FTO: variants seen among roughly 807,000 people sequenced by gnomAD.
The protein encoded by FTO is FTO alpha-ketoglutarate dependent dioxygenase.
FTO carries 47 observed loss-of-function variants against 63.9 expected under a neutral mutation model. That is an observed-to-expected ratio of 0.74 (90% CI 0.58 to 0.94). The LOEUF (loss-of-function observed/expected upper bound fraction) is 0.94. Ranked by LOEUF, FTO falls within the 40% of genes least tolerant of loss-of-function variation. The pLI is 0.00. For synonymous variants in FTO, 207 were observed against 224.4 expected (o/e 0.92, Z 0.69); for missense variants, 562 against 618.1 (o/e 0.91, Z 0.96).
At chr16:53,773,438 C>T (rs1024011921) in intron 1 of FTO, among the ~76,000 whole-genome samples, 1 of 152,236 alleles carries the variant, frequency 6.6e-6, no homozygotes, top group South Asian at 2.1e-4. Context: ...TTTATTGGTA[C>T]AGGGCATAGT....
At chr16:54,107,132 C>T (rs2086773727) in intron 8 of FTO, among the ~76,000 whole-genome samples, 2 of 149,916 alleles carry the variant, frequency 1.3e-5, no homozygotes, top group Non-Finnish European at 3.0e-5. Context: ...CATATGTTTA[C>T]AATATTTTAT....
chr16:54,057,748 C>T (rs545509043), intron 8 of FTO, among the ~76,000 whole-genome samples: 22 of 152,090 alleles, frequency 1.4e-4, no homozygotes, highest in African/African-American at 5.3e-4. Context: ...TTTGTATGCT[C>T]GCCCGATATA....
At chr16:53,733,027 C>T (rs1317061892) in intron 1 of FTO, among the ~76,000 whole-genome samples, 1 of 152,160 alleles carries the variant, frequency 6.6e-6, no homozygotes, top group African/African-American at 2.4e-5. Context: ...TAGAGGGAGC[C>T]CCCCTTTTCT....
chr16:54,105,016 A>G (rs777768748), intron 8 of FTO, among the ~76,000 whole-genome samples: 9 of 152,208 alleles, frequency 5.9e-5, no homozygotes, highest in Non-Finnish European at 1.0e-4. Context: ...GTGCTTTTAT[A>G]TGTGTTATTT....
chr16:53,893,745 G>A (rs542136064), intron 7 of FTO, among the ~76,000 whole-genome samples: 1 of 151,852 alleles, frequency 6.6e-6, no homozygotes, highest in African/African-American at 2.4e-5. Flanking sequence ...CGAAAGTAGT[G>A]ATGATTTCGA....
intron 1 of FTO, among the ~76,000 whole-genome samples, chr16:53,790,215 C>G (rs1230377352): frequency 6.6e-6 from 1 of 151,856 alleles, no homozygotes; most frequent in Non-Finnish European, 1.5e-5. Context: ...CCCATCACCA[C>G]TATCCATCTT....
intron 8 of FTO, among the ~76,000 whole-genome samples, chr16:54,010,669 G>A (rs1299038279): frequency 6.6e-6 from 1 of 152,086 alleles, no homozygotes; most frequent in Non-Finnish European, 1.5e-5. Flanking sequence ...AGCAATTTAG[G>A]ACAATGAGAG....
At chr16:53,921,494 G>A (rs1290643070) in intron 7 of FTO, among the ~76,000 whole-genome samples, 2 of 152,186 alleles carry the variant, frequency 1.3e-5, no homozygotes, top group Non-Finnish European at 2.9e-5. Context: ...TTAGGACAAC[G>A]AACAGATTAG....
At chr16:53,727,670 C>T (rs999628282) in intron 1 of FTO, among the ~76,000 whole-genome samples, 14 of 152,126 alleles carry the variant, frequency 9.2e-5, no homozygotes, top group Non-Finnish European at 1.5e-5. Context: ...TGTTGGTTTG[C>T]TTCTAACATT....
intron 1 of FTO, among the ~76,000 whole-genome samples, chr16:53,797,457 T>C (rs921397517): frequency 3.3e-5 from 5 of 152,212 alleles, no homozygotes; most frequent in African/African-American, 1.2e-4. Context: ...CATTGTGATT[T>C]TGAGATCCAT....
chr16:54,090,217 T>A (rs1448019945), intron 8 of FTO, among the ~76,000 whole-genome samples: 1 of 152,206 alleles, frequency 6.6e-6, no homozygotes, highest in Non-Finnish European at 1.5e-5. Flanking sequence ...GGAATGAAAT[T>A]GAAACACGGG....
At chr16:53,704,640 A>G (rs937385958) in intron 1 of FTO, among the ~76,000 whole-genome samples, 1 of 152,088 alleles carries the variant, frequency 6.6e-6, no homozygotes, top group African/African-American at 2.4e-5. Context: ...CTTTGGAACA[A>G]TTGTCTCCGT....
intron 1 of FTO, among the ~76,000 whole-genome samples, chr16:53,762,074 G>A (rs1234246141): frequency 6.6e-6 from 1 of 152,168 alleles, no homozygotes; most frequent in East Asian, 1.9e-4. Flanking sequence ...TTTAGAAAGA[G>A]AAGGAATGGA....
chr16:53,926,044 G>C (rs777996114), intron 7 of FTO, among the ~76,000 whole-genome samples: 1 of 152,104 alleles, frequency 6.6e-6, no homozygotes, highest in East Asian at 1.9e-4. Flanking sequence ...GAAATTCTTA[G>C]GGGTCCTTAA....
intron 4 of FTO, among the ~76,000 whole-genome samples, chr16:53,862,277 C>T (rs1291407821): frequency 6.6e-6 from 1 of 151,940 alleles, no homozygotes; most frequent in Non-Finnish European, 1.5e-5. Context: ...AAAAAACCAC[C>T]ACCAACAACT....
chr16:53,919,764 C>A (rs1286933495), intron 7 of FTO, among the ~76,000 whole-genome samples: 1 of 152,040 alleles, frequency 6.6e-6, no homozygotes, highest in South Asian at 2.1e-4. Flanking sequence ...TGTTCTCACT[C>A]GTAAGTGGGA....
At chr16:53,854,203 C>G (rs1001406062) in intron 4 of FTO, among the ~76,000 whole-genome samples, 2 of 151,576 alleles carry the variant, frequency 1.3e-5, no homozygotes, top group South Asian at 2.1e-4. Flanking sequence ...GTTTGGATTC[C>G]TTATAGGTTC....
At chr16:53,741,442 T>C (rs1025992509) in intron 1 of FTO, among the ~76,000 whole-genome samples, 5 of 152,244 alleles carry the variant, frequency 3.3e-5, no homozygotes, top group African/African-American at 1.2e-4. Context: ...TGTGAACCAC[T>C]CTGTTGCTCT....
Position 53,931,926 on chromosome 16 carries a change from G to A in FTO, c.1240-2059G>A, listed in dbSNP as rs74022303. Among the ~76,000 whole-genome samples, 514 of 150,516 alleles carry A rather than the reference G, an allele frequency of 3.4e-3. 2 individuals are homozygous for A. Among genetic ancestry groups the A allele is most frequent in the African/African-American group, 0.012 (489 of 40,710 alleles). ...CACACACGCACATACCAGATTTCTT[G>A]TTTATTTTGAAAATTCATGAATCTA... On this transcript the variant is annotated intron_variant, in intron 7 of 8. Transcript: ENST00000471389.
Sources: gnomAD v4.1 joint callset for allele counts (sites outside exome capture counted in the v4.1 genomes callset) on GRCh38, gnomAD v4.1.1 for gene constraint, MANE v1.5 for transcripts, NCBI Gene and HGNC (gene_info 2026-07-23, HGNC 2026-07-21) for gene names.